The following DYNC1H1 variants were observed in gnomAD, a reference collection of about 807,000 sequenced individuals.
DYNC1H1 encodes dynein cytoplasmic 1 heavy chain 1.
Under a neutral mutation model 527.1 loss-of-function variants are expected in DYNC1H1, and 51 were observed. The observed-to-expected ratio is 0.10, with a 90% confidence interval of 0.08 to 0.12. The LOEUF is 0.12. DYNC1H1 is among the 10% of genes least tolerant of loss of function. The pLI, the probability that DYNC1H1 is intolerant of heterozygous loss-of-function variation, is 1.00. For missense variants in DYNC1H1, 2,771 were observed against 5,971.8 expected (o/e 0.46, Z 17.66); for synonymous variants, 2,189 against 2,278.8 (o/e 0.96, Z 1.12).
intron 42 of DYNC1H1, among the ~76,000 whole-genome samples, chr14:102,022,487 CAGAG>C (rs1397834648): frequency 7.0e-6 from 1 of 143,758 alleles, no homozygotes; most frequent in African/African-American, 2.6e-5. Flanking sequence ...GCCTTGGCGA[CAGAG>C]AGAGACTCCG....
chr14:102,039,803 A>G lies in DYNC1H1; in HGVS notation c.11690+71A>G. 1.4e-6 allele frequency: 2 copies of G among 1,477,784 alleles called. No homozygotes were observed. The highest frequency in any genetic ancestry group is 1.1e-5 in the South Asian group (1 of 87,094). The allele number at this position is 1,477,784 out of a possible 1,614,324, so 91.5% of individuals were successfully genotyped here. ...CCCCAAGGGTTTCATGATCAGATAC[A>G]TGCTTTTATTATTTCTTTTATTTTC... On this transcript the variant is annotated intron_variant, in intron 62 of 77. Transcript: ENST00000360184. The surrounding 1 kb of genome is among the most constrained non-coding windows in gnomAD (Gnocchi z 7.0).
At position 101,985,687 on chromosome 14, in the gene DYNC1H1, GT is replaced by G. The variant is rs1338825441; in HGVS notation, c.1463del (p.Val488AlafsTer18). The G allele has an allele frequency of 6.2e-7, 1 of 1,614,064 alleles. No homozygotes were observed. The highest frequency in any genetic ancestry group is 1.7e-5 in the Admixed American group (1 of 60,006). On this transcript the variant is annotated frameshift_variant and splice_region_variant, in exon 8 of 78. Transcript: ENST00000360184. LOFTEE classifies it high-confidence loss of function. This position sits in a 1 kb window ranked among gnomAD's most constrained non-coding sequence, Gnocchi z 5.9. ...TTGATTACATATCTTTCTCCTTTAGGTCACGGCAGTTGCACAACAGAATCAA... is the reference window on the plus strand; with the variant it reads ...TTGATTACATATCTTTCTCCTTTAGGCACGGCAGTTGCACAACAGAATCAA... ...AVIVRVLRPQ[V>X]TAVAQQNQGE...
Position 102,003,317 on chromosome 14 carries a change from C to T in DYNC1H1, c.4883+352C>T, listed in dbSNP as rs151005131. On this transcript the variant is annotated intron_variant, in intron 23 of 77. Coordinates refer to ENST00000360184, the MANE Select transcript of DYNC1H1 (RefSeq NM_001376.5). ...TTGCTCTGTCGCCCAGGCTGGAGCA[C>T]GTGGTGCCATCTCGGCTCACTGCAA... Among the ~76,000 whole-genome samples the T allele has an allele frequency of 2.4e-3, 367 of 150,690 alleles. 1 individual carries two copies. The highest frequency in any genetic ancestry group is 6.8e-3 in the Middle Eastern group (2 of 292).
rs891056444 is a variant in DYNC1H1, at chr14:102,033,644, A to G, written c.10413+160A>G. The G allele has an allele frequency of 3.3e-5, 29 of 880,328 alleles. No individual in the cohort carries two copies. The highest frequency in any genetic ancestry group is 2.9e-4 in the Admixed American group (14 of 48,858). 54.5% of individuals were successfully genotyped at this position (880,328 alleles called of 1,614,324 possible). The stretch of plus-strand genomic sequence containing the variant: ...TTTTCCTGGAAAATAATACACACTG[A>G]GTAGTCACTAAGTGTTGTTAATTAG... On this transcript the variant is annotated intron_variant, in intron 54 of 77. Coordinates refer to ENST00000360184, the MANE Select transcript of DYNC1H1 (RefSeq NM_001376.5). This position sits in a 1 kb window ranked among gnomAD's most constrained non-coding sequence, Gnocchi z 5.6.
chr14:101,965,007 C>G lies in DYNC1H1; in HGVS notation c.256+60C>G. On this transcript the variant is annotated intron_variant, in intron 1 of 77. Transcript: ENST00000360184. The surrounding 1 kb of genome is among the most constrained non-coding windows in gnomAD (Gnocchi z 4.1). Reference sequence around the variant, plus strand: ...AGGCCTCGCGGAATGCAGGGCCTGCCAGGTCCTCCGGGGTCGCAGATGTCC... The same window carrying G: ...AGGCCTCGCGGAATGCAGGGCCTGCGAGGTCCTCCGGGGTCGCAGATGTCC... 4.6e-6 allele frequency: 7 copies of G among 1,527,928 alleles called. No homozygotes were observed. In the South Asian group the frequency reaches 8.4e-5, roughly 18 times the overall value. The allele number at this position is 1,527,928 out of a possible 1,614,324, so 94.6% of individuals were successfully genotyped here.
chr14:102,026,764 G>A, intron 44 of DYNC1H1, 57 bp downstream of exon 44: 1 of 1,593,884 alleles, frequency 6.3e-7, no homozygotes, highest in Non-Finnish European at 8.6e-7. Context: ...TTGAGTAAGT[G>A]TGTGTGCCGG....
chr14:102,048,375 C>T (rs767017374), intron 73 of DYNC1H1, 141 bp from the exon 74 acceptor site: 22 of 1,181,992 alleles, frequency 1.9e-5, no homozygotes, highest in South Asian at 2.7e-5. Flanking sequence ...TTCCAAGTCA[C>T]GCTCTGCCAA....
rs1567021445 is a variant in DYNC1H1, at chr14:102,039,541, T to C, written c.11590T>C (p.Phe3864Leu). The change falls in exon 61 of 78, where the codon TTC becomes CTC. Residue 3864 changes from phenylalanine to leucine, a missense_variant. Physicochemically the swap from Phe to Leu is conservative, Grantham distance 22 (BLOSUM62 0). Coordinates refer to ENST00000360184, the MANE Select transcript of DYNC1H1 (RefSeq NM_001376.5). The surrounding 1 kb of genome is among the most constrained non-coding windows in gnomAD (Gnocchi z 7.0). ...CCTGTCCATTATAACAAAGGACCTC[T>C]TCCAGGTAGAGTGAGGTCCTCAGCC... The part of the protein sequence containing the change: ...QRLSIITKDL[F>L]QVAFNRVARG... The C allele has an allele frequency of 1.2e-6, 2 of 1,614,262 alleles. No homozygotes were observed. Among genetic ancestry groups the C allele is most frequent in the Non-Finnish European group, 1.7e-6 (2 of 1,180,034 alleles).
intron 1 of DYNC1H1, among the ~76,000 whole-genome samples, chr14:101,970,162 A>AAT (rs1390630756): frequency 1.3e-5 from 2 of 152,150 alleles, no homozygotes; most frequent in African/African-American, 4.8e-5. Context: ...GTTTACGTTA[A>AAT]ATATAAGTAT....
chr14:101,983,805 G>A lies in DYNC1H1; in HGVS notation c.1461+196G>A, dbSNP rs1460405298. ...CGATTCTCCTGCCTCAGCCTCTCGAGTAGCTGGGATTACAGGTGCCTGCCA... is the reference window on the plus strand; with the variant it reads ...CGATTCTCCTGCCTCAGCCTCTCGAATAGCTGGGATTACAGGTGCCTGCCA... On this transcript the variant is annotated intron_variant, in intron 7 of 77. Transcript: ENST00000360184. The surrounding 1 kb of genome is among the most constrained non-coding windows in gnomAD (Gnocchi z 5.3). Among the ~76,000 whole-genome samples the A allele has an allele frequency of 6.6e-6, 1 of 152,146 alleles. No individual in the cohort carries two copies. The highest frequency in any genetic ancestry group is 1.5e-5 in the Non-Finnish European group (1 of 68,000).
chr14:102,007,576 C>T (rs562559227), intron 28 of DYNC1H1, among the ~76,000 whole-genome samples: 2 of 152,142 alleles, frequency 1.3e-5, no homozygotes, highest in African/African-American at 4.8e-5. Context: ...GAGCCCCTCA[C>T]CTGAGGCGTG....
rs754598 is a variant in DYNC1H1 at position 102,032,895 on chromosome 14, C to T, written c.10080-170C>T. The stretch of plus-strand genomic sequence containing the variant: ...AAAAAAATTGTTCAAGTGTTGAGCA[C>T]ATTTTCAGCTTTCACCTGAGAACCA... On this transcript the variant is annotated intron_variant, in intron 52 of 77. Coordinates refer to ENST00000360184, the MANE Select transcript of DYNC1H1 (RefSeq NM_001376.5). 0.02 allele frequency: 13,537 copies of T among 688,142 alleles called. 557 individuals carry two copies. Among genetic ancestry groups the T allele is most frequent in the African/African-American group, 0.13 (7,105 of 54,662 alleles). The allele number at this position is 688,142 out of a possible 1,614,324, so 42.6% of individuals were successfully genotyped here.
intron 56 of DYNC1H1, chr14:102,035,285 A>C (rs1302061306): frequency 2.0e-5 from 3 of 152,262 alleles, no homozygotes; most frequent in African/African-American, 7.2e-5. Context: ...GGACATTCAA[A>C]CAAACAGTCC....
chr14:101,970,473 G>GTTTTT lies in DYNC1H1; in HGVS notation c.257-5216_257-5212dup, dbSNP rs958653217. On this transcript the variant is annotated intron_variant, in intron 1 of 77. Coordinates refer to ENST00000360184, the MANE Select transcript of DYNC1H1 (RefSeq NM_001376.5). ...GTATTAGTATGTTTGGTTTGTTGTT[G>GTTTTT]TTTTTTTTTTTTTTTTTTTTTTTTT... Among the ~76,000 whole-genome samples the GTTTTT allele has an allele frequency of 4.8e-4, 39 of 81,446 alleles. 1 individual carries two copies. The highest frequency in any genetic ancestry group is 8.3e-4 in the African/African-American group (18 of 21,774). The allele number at this position is 81,446 out of a possible 152,430, so 53.4% of individuals were successfully genotyped here. A position where few individuals can be genotyped will look rare whatever the true frequency, so the allele number is the denominator to read the frequency against.
Position 102,050,707 on chromosome 14 carries a change from G to T in DYNC1H1, c.*144G>T. ...AAGCTGAATGGAATCTGACGGTTGG[G>T]AGTGGTGGAAATTGGAAGGATACCA... On this transcript the variant is annotated 3_prime_UTR_variant, in exon 78 of 78. Coordinates refer to ENST00000360184, the MANE Select transcript of DYNC1H1 (RefSeq NM_001376.5). The T allele has an allele frequency of 7.4e-7, 1 of 1,360,106 alleles. No individual in the cohort carries two copies. Among genetic ancestry groups the T allele is most frequent in the Non-Finnish European group, 1.0e-6 (1 of 977,348 alleles). 84.3% of individuals were successfully genotyped at this position (1,360,106 alleles called of 1,614,324 possible).
rs888890361 is a variant in DYNC1H1 at position 102,049,727 on chromosome 14, G to T, written c.13529G>T (p.Cys4510Phe). 1 of 1,613,792 alleles carries T rather than the reference G, an allele frequency of 6.2e-7. No homozygotes were observed. The highest frequency in any genetic ancestry group is 8.5e-7 in the Non-Finnish European group (1 of 1,180,040). The change falls in exon 76 of 78, where the codon TGC becomes TTC. Residue 4510 changes from cysteine to phenylalanine, a missense_variant. Coordinates refer to ENST00000360184, the MANE Select transcript of DYNC1H1 (RefSeq NM_001376.5). This position sits in a 1 kb window ranked among gnomAD's most constrained non-coding sequence, Gnocchi z 5.5. ...TGCTTTCCACAGAACATCCACGTGTGCCTGGGTGGCCTGTTCGTGCCTGAG... is the reference window on the plus strand; with the variant it reads ...TGCTTTCCACAGAACATCCACGTGTTCCTGGGTGGCCTGTTCGTGCCTGAG... ...GAKELKNIHV[C>F]LGGLFVPEAY...
At position 102,051,088 on chromosome 14, in the gene DYNC1H1, A is replaced by C; in HGVS notation, c.*525A>C. 1 of 214,274 alleles carries C rather than the reference A, an allele frequency of 4.7e-6. No homozygotes were observed. The highest frequency in any genetic ancestry group is 9.4e-6 in the Non-Finnish European group (1 of 105,942). The allele number at this position is 214,274 out of a possible 1,614,324, so 13.3% of individuals were successfully genotyped here. On this transcript the variant is annotated 3_prime_UTR_variant, in exon 78 of 78. Coordinates refer to ENST00000360184, the MANE Select transcript of DYNC1H1 (RefSeq NM_001376.5). ...AGACCAGCCTCGGCAACATAGTGAG[A>C]CCCCGTCTCTACAGGAAATTAAATC...
Position 102,030,196 on chromosome 14 carries a change from A to T in DYNC1H1, c.9797A>T (p.Lys3266Met), listed in dbSNP as rs765825369. 9.3e-6 allele frequency: 15 copies of T among 1,614,200 alleles called. No homozygotes were observed. Among genetic ancestry groups the T allele is most frequent in the Non-Finnish European group, 1.3e-5 (15 of 1,180,024 alleles). Residue 3266 changes from lysine (K) to methionine (M), a missense_variant, in exon 51 of 78, where the codon AAG (lysine) becomes ATG (methionine). Around this residue, in one of 32 missense-constraint regions of DYNC1H1, gnomAD observed 30 missense variants for 117.8 expected, o/e 0.25. Coordinates refer to ENST00000360184, the MANE Select transcript of DYNC1H1 (RefSeq NM_001376.5). ...MSQEIQEQLH[K>M]QQEVIADKQM... ...CAAGAAATCCAGGAACAGCTGCATA[A>T]GCAGCAGGAGGTAATTGCAGACAAA...
In DYNC1H1 at chr14:101,983,149, G is replaced by C; in HGVS notation, c.1092G>C (p.Leu364Phe). Residue 364 changes from leucine (L) to phenylalanine (F), a missense_variant, in exon 6 of 78, where the codon TTG becomes TTC. By Grantham distance (22) the Leu-to-Phe change is conservative. Around this residue, in one of 32 missense-constraint regions of DYNC1H1, gnomAD observed 264 missense variants for 619.4 expected, o/e 0.43. Transcript: ENST00000360184. This position sits in a 1 kb window ranked among gnomAD's most constrained non-coding sequence, Gnocchi z 5.3. ...RQALVAIFTH[L>F]RKIRNTKYPI... ...CGCTTGTTGCCATTTTCACACATTT[G>C]AGAAAGATCCGAAACACAAAATATC... 6.2e-7 allele frequency: 1 copy of C among 1,614,164 alleles called. No individual in the cohort carries two copies. The highest frequency in any genetic ancestry group is 8.5e-7 in the Non-Finnish European group (1 of 1,180,036).
Sources: gnomAD v4.1 joint callset for allele counts (sites outside exome capture counted in the v4.1 genomes callset) on GRCh38, gnomAD v4.1.1 for gene constraint, gnomAD v4.1.1 regional missense constraint, Gnocchi (gnomAD v3.1) non-coding constraint, MANE v1.5 for transcripts, NCBI Gene and HGNC (gene_info 2026-07-23, HGNC 2026-07-21) for gene names.